The following DNAJC1 variants were observed in gnomAD, a reference collection of about 807,000 sequenced individuals.
DNAJC1 encodes the protein DnaJ heat shock protein family (Hsp40) member C1.
A neutral mutation model predicts 76.6 loss-of-function variants in DNAJC1; 58 were observed. That is an observed-to-expected ratio of 0.76 (90% confidence interval 0.61 to 0.94). The LOEUF (loss-of-function observed/expected upper bound fraction) is 0.94. Among genes scored for constraint, DNAJC1 ranks in the 40% least tolerant of loss-of-function variants. The pLI, the probability that DNAJC1 is intolerant of heterozygous loss-of-function variation, is 0.00. For missense variants in DNAJC1, 689 were observed against 677.3 expected (o/e 1.02, Z -0.19); for synonymous variants, 258 against 267.9 (o/e 0.96, Z 0.36).
chr10:21,962,965 A>C (rs1462201857), intron 1 of DNAJC1, among the ~76,000 whole-genome samples: 1 of 152,152 alleles, frequency 6.6e-6, no homozygotes, highest in Non-Finnish European at 1.5e-5. Flanking sequence ...TAAGAATTAG[A>C]ATAAGCAGTT....
chr10:21,900,561 C>A (rs914466733), intron 7 of DNAJC1, among the ~76,000 whole-genome samples: 2 of 152,030 alleles, frequency 1.3e-5, no homozygotes, highest in African/African-American at 4.8e-5. Flanking sequence ...TTTCACACTT[C>A]CATTGGTATT....
chr10:21,783,742 A>G (rs1186271897), intron 9 of DNAJC1, among the ~76,000 whole-genome samples: 1 of 152,194 alleles, frequency 6.6e-6, no homozygotes, highest in Non-Finnish European at 1.5e-5. Flanking sequence ...CTCAGAAATA[A>G]CACCACACAT....
chr10:21,874,604 T>TG (rs1296147766), intron 8 of DNAJC1, among the ~76,000 whole-genome samples: 2 of 152,154 alleles, frequency 1.3e-5, no homozygotes, highest in East Asian at 3.8e-4. Context: ...GACAGAAAGT[T>TG]GGTTAGTGGT....
chr10:22,003,714 C>A lies in DNAJC1; in HGVS notation c.-280G>T. The A allele has an allele frequency of 2.9e-6, 1 of 345,404 alleles. No homozygotes were observed. The highest frequency in any genetic ancestry group is 5.2e-6 in the Non-Finnish European group (1 of 193,452). 21.4% of individuals were successfully genotyped at this position (345,404 alleles called of 1,614,324 possible). Reference sequence around the variant, plus strand: ...ACACAGCTGTAGAGGCAGCGCCCGGCGCCTGGGCTGCACAGTGGGTGAGGC... The same window carrying A: ...ACACAGCTGTAGAGGCAGCGCCCGGAGCCTGGGCTGCACAGTGGGTGAGGC... On this transcript the variant is annotated 5_prime_UTR_variant, in exon 1 of 12. Transcript: ENST00000376980.
At chr10:21,936,953 A>G (rs1254686906) in intron 1 of DNAJC1, among the ~76,000 whole-genome samples, 1 of 152,168 alleles carries the variant, frequency 6.6e-6, no homozygotes, top group Non-Finnish European at 1.5e-5. Flanking sequence ...TTAAAATTAA[A>G]TGAGTTAAAC....
Position 21,869,392 on chromosome 10 carries a change from T to C in DNAJC1, c.978+12890A>G, listed in dbSNP as rs575315995. On this transcript the variant is annotated intron_variant, in intron 8 of 11. Transcript: ENST00000376980. ...ACAAAGCTTAATGCTTTCAATCAAT[T>C]CCCAATCAGGAAATCTTTGACTTGG... is the stretch of plus-strand genomic sequence containing the variant. Among the ~76,000 whole-genome samples, 108 of 152,120 alleles carry C rather than the reference T, an allele frequency of 7.1e-4. 1 individual carries two copies. The Middle Eastern group carries it at 0.01, about 14-fold the overall frequency.
chr10:21,997,648 G>A (rs1386289112), intron 1 of DNAJC1, among the ~76,000 whole-genome samples: 1 of 152,234 alleles, frequency 6.6e-6, no homozygotes, highest in African/African-American at 2.4e-5. Flanking sequence ...CATGGGGCAC[G>A]GATGAATGGG....
chr10:21,939,018 G>A (rs1199466343), intron 1 of DNAJC1, among the ~76,000 whole-genome samples: 2 of 152,098 alleles, frequency 1.3e-5, no homozygotes, highest in Admixed American at 1.3e-4. Context: ...AGCCTCCCCA[G>A]TAGCTGGGAC....
intron 1 of DNAJC1, among the ~76,000 whole-genome samples, chr10:21,964,903 T>C (rs1237988642): frequency 6.6e-6 from 1 of 152,194 alleles, no homozygotes; most frequent in Non-Finnish European, 1.5e-5. Context: ...CTATAATTTC[T>C]TTGTAGATAA....
chr10:21,889,757 G>A (rs1012044820), intron 7 of DNAJC1, among the ~76,000 whole-genome samples: 1 of 152,104 alleles, frequency 6.6e-6, no homozygotes, highest in African/African-American at 2.4e-5. Flanking sequence ...ACAAAAGCCT[G>A]CTCTCTCTAG....
At chr10:21,996,797 G>A (rs1032605613) in intron 1 of DNAJC1, among the ~76,000 whole-genome samples, 5 of 152,100 alleles carry the variant, frequency 3.3e-5, no homozygotes, top group Non-Finnish European at 1.5e-5. Flanking sequence ...ATTGGCTCAG[G>A]CATCTTCCAC....
At position 21,972,523 on chromosome 10, in the gene DNAJC1, T is replaced by C. The variant is rs376425135; in HGVS notation, c.222+30690A>G. On this transcript the variant is annotated intron_variant, in intron 1 of 11. Transcript: ENST00000376980. ...TTGAAGACAAACAGAGTTTGAAGGA[T>C]ATTTGAACATGCAATTAATTTAAAT... 1.1e-3 allele frequency among the ~76,000 whole-genome samples: 160 copies of C among 152,188 alleles called. 1 individual carries two copies. In the South Asian group the frequency reaches 0.033, roughly 32 times the overall value.
chr10:21,804,123 C>T (rs538820848), intron 9 of DNAJC1: 1 of 253,590 alleles, frequency 3.9e-6, no homozygotes, highest in Admixed American at 6.5e-5. Context: ...CCTGTGTATT[C>T]TTGGCATTTA....
At chr10:21,761,655 G>A (rs563021313) in intron 10 of DNAJC1, among the ~76,000 whole-genome samples, 1 of 152,154 alleles carries the variant, frequency 6.6e-6, no homozygotes, top group South Asian at 2.1e-4. Flanking sequence ...TGCTCTGTAA[G>A]AGGCAAAAAT....
chr10:21,773,955 A>C (rs1448043781), intron 9 of DNAJC1, among the ~76,000 whole-genome samples: 3 of 150,984 alleles, frequency 2.0e-5, no homozygotes, highest in African/African-American at 4.9e-5. Flanking sequence ...TCCCGGCTAA[A>C]ACGGTGAAAC....
chr10:21,823,885 T>A (rs1348865974), intron 8 of DNAJC1, among the ~76,000 whole-genome samples: 1 of 152,192 alleles, frequency 6.6e-6, no homozygotes, highest in African/African-American at 2.4e-5. Flanking sequence ...TATCAGTCTA[T>A]ATAGTTCTTT....
At chr10:21,986,714 T>G (rs564584736) in intron 1 of DNAJC1, among the ~76,000 whole-genome samples, 8 of 152,282 alleles carry the variant, frequency 5.3e-5, no homozygotes, top group Non-Finnish European at 1.2e-4. Context: ...TTAATCCATT[T>G]TATATGTTGC....
At chr10:21,909,076 C>T (rs190523777) in intron 6 of DNAJC1, among the ~76,000 whole-genome samples, 5 of 152,160 alleles carry the variant, frequency 3.3e-5, no homozygotes, top group Middle Eastern at 3.4e-3. Flanking sequence ...TTAGTAGAGA[C>T]GGGGTTTTGC....
chr10:21,821,700 G>C (rs1464500977), intron 8 of DNAJC1, among the ~76,000 whole-genome samples: 1 of 152,106 alleles, frequency 6.6e-6, no homozygotes, highest in Non-Finnish European at 1.5e-5. Flanking sequence ...TTGCTTTAAA[G>C]TTAGAAGTCC....
Sources: allele counts gnomAD v4.1 joint callset (sites outside exome capture counted in the v4.1 genomes callset), GRCh38; gene constraint gnomAD v4.1.1; transcripts MANE v1.5; gene names NCBI Gene and HGNC (gene_info 2026-07-23, HGNC 2026-07-21).